Variants in VPS13A observed in about 807,000 individuals in gnomAD.
VPS13A encodes intermembrane lipid transfer protein VPS13A.
A neutral mutation model predicts 390.9 loss-of-function variants in VPS13A; 264 were observed. That is an observed-to-expected ratio of 0.68 (90% confidence interval 0.61 to 0.75). The LOEUF (loss-of-function observed/expected upper bound fraction) is 0.75. VPS13A is among the 30% of genes least tolerant of loss of function. The probability of loss-of-function intolerance (pLI) is 0.00; values close to 1 mark genes in which losing one functional copy is unlikely to be tolerated. For synonymous variants in VPS13A, 1,231 were observed against 1,227.1 expected, an observed-to-expected ratio of 1.00 and a Z score of -0.07; for missense variants, 3,409 against 3,733.9, an observed-to-expected ratio of 0.91 and a Z score of 2.27.
rs1228557760 is a variant in VPS13A at position 77,177,697 on chromosome 9, T to A, written c.-8T>A. 6.2e-7 allele frequency: 1 copy of A among 1,612,786 alleles called. No homozygotes were observed. The highest frequency in any genetic ancestry group is 1.1e-5 in the South Asian group (1 of 91,064). On this transcript the variant is annotated 5_prime_UTR_variant, in exon 1 of 72. Coordinates refer to ENST00000360280, the MANE Select transcript of VPS13A (RefSeq NM_033305.3). ...GGCCGGCTGCCGTGCCCACCACGGC[T>A]GAGGAACATGGTTTTCGAGTCGGTG...
rs1825070810 is a variant in VPS13A, at chr9:77,250,093, G to C, written c.2038-4G>C. On this transcript the variant is annotated splice_polypyrimidine_tract_variant and splice_region_variant and intron_variant, in intron 20 of 71. Transcript: ENST00000360280. ...TAGTCTAAACTATTAAAATTAACTT[G>C]AAGGTGACGAGTAAAAGTCGTTCTG... is the stretch of plus-strand genomic sequence containing the variant. 1 of 1,613,512 alleles carries C rather than the reference G, an allele frequency of 6.2e-7. No individual in the cohort carries two copies. The highest frequency in any genetic ancestry group is 1.3e-5 in the African/African-American group (1 of 75,012).
rs1024433176 is a variant in VPS13A at position 77,341,614 on chromosome 9, C to T, written c.7026+1064C>T. On this transcript the variant is annotated intron_variant, in intron 50 of 71. Transcript: ENST00000360280. ...TGTTGGACATTCATACTCTATCCTC[C>T]ATGTCTCTTAATAGCTCTTTTATAT... Among the ~76,000 whole-genome samples, 7 of 150,308 alleles carry T rather than the reference C, an allele frequency of 4.7e-5. No individual in the cohort carries two copies. The Admixed American group carries it at 4.7e-4, about 10-fold the overall frequency.
intron 68 of VPS13A, among the ~76,000 whole-genome samples, chr9:77,391,263 T>C (rs1365414450): frequency 7.2e-5 from 11 of 152,174 alleles, no homozygotes; most frequent in Admixed American, 7.2e-4. Context: ...TTCAGAAATA[T>C]TTGTGTGTGT....
At chr9:77,249,050 T>TA (rs1379100944) in intron 20 of VPS13A, among the ~76,000 whole-genome samples, 2 of 152,206 alleles carry the variant, frequency 1.3e-5, no homozygotes, top group Non-Finnish European at 2.9e-5. Context: ...ACAGCATTGA[T>TA]ATAGAACATT....
intron 26 of VPS13A, among the ~76,000 whole-genome samples, chr9:77,277,854 A>AT (rs150417932): frequency 0.02 from 3,077 of 152,218 alleles, 54 homozygotes; most frequent in South Asian, 0.043. Context: ...CGGTTTGGCA[A>AT]TTGTTAATAA....
intron 61 of VPS13A, 102 bp downstream of exon 61, chr9:77,366,974 C>A: frequency 8.0e-7 from 1 of 1,245,340 alleles, no homozygotes; most frequent in Non-Finnish European, 1.1e-6. Context: ...CGTTGCAGAT[C>A]ATAGGCAAAA....
chr9:77,356,932 A>G, intron 55 of VPS13A, 65 bp downstream of exon 55: 1 of 1,575,796 alleles, frequency 6.3e-7, no homozygotes, highest in Non-Finnish European at 8.7e-7. Context: ...GTGAATCACT[A>G]GTGAAATTTA....
intron 5 of VPS13A, among the ~76,000 whole-genome samples, chr9:77,208,942 C>G (rs1825823230): frequency 1.3e-5 from 2 of 152,286 alleles, no homozygotes; most frequent in South Asian, 4.2e-4. Context: ...GAACTTCTTT[C>G]ATCCTTGTTC....
intron 22 of VPS13A, among the ~76,000 whole-genome samples, chr9:77,256,931 T>A (rs558914166): frequency 6.6e-6 from 1 of 152,298 alleles, no homozygotes; most frequent in African/African-American, 2.4e-5. Flanking sequence ...AGTTGCATCC[T>A]GTTTTTTAAT....
At position 77,345,152 on chromosome 9, in the gene VPS13A, T is replaced by C. The variant is rs1831078672; in HGVS notation, c.7289+10T>C. ...TTCAATACAATCAAAGGTAAGATTA[T>C]CACAAATACAGTAACTCTTGATGGT... On this transcript the variant is annotated intron_variant, in intron 52 of 71. Transcript: ENST00000360280. The C allele has an allele frequency of 1.2e-6, 2 of 1,612,362 alleles. No individual in the cohort carries two copies. The highest frequency in any genetic ancestry group is 4.5e-5 in the East Asian group (2 of 44,748).
At chr9:77,379,349 T>C (rs1281883635) in intron 67 of VPS13A, among the ~76,000 whole-genome samples, 7 of 151,800 alleles carry the variant, frequency 4.6e-5, no homozygotes. Context: ...CAAGCTATTC[T>C]CCTGCCTCAG....
At chr9:77,231,505 G>T (rs1296673349) in intron 17 of VPS13A, among the ~76,000 whole-genome samples, 1 of 151,968 alleles carries the variant, frequency 6.6e-6, no homozygotes, top group African/African-American at 2.4e-5. Flanking sequence ...TTGTGGTTTT[G>T]ATTTGAATTC....
At chr9:77,217,081 A>G (rs1470271423) in intron 10 of VPS13A, among the ~76,000 whole-genome samples, 1 of 152,158 alleles carries the variant, frequency 6.6e-6, no homozygotes, top group African/African-American at 2.4e-5. Context: ...TTTCAATACA[A>G]TTGAGTTGAC....
intron 5 of VPS13A, among the ~76,000 whole-genome samples, chr9:77,207,254 A>ATATATAAAT (rs1564630578): frequency 1.9e-5 from 1 of 53,468 alleles, no homozygotes; most frequent in Non-Finnish European, 4.6e-5. Context: ...TATATATATA[A>ATATATAAAT]AACGTGTTAT....
At chr9:77,345,339 T>C (rs927177638) in intron 52 of VPS13A, among the ~76,000 whole-genome samples, 197 bp downstream of exon 52, 1 of 152,214 alleles carries the variant, frequency 6.6e-6, no homozygotes, top group African/African-American at 2.4e-5. Flanking sequence ...TTTGAAATGC[T>C]TCAAAGAAAG....
At chr9:77,409,559 T>G in intron 71 of VPS13A, among the ~76,000 whole-genome samples, 1 of 151,930 alleles carries the variant, frequency 6.6e-6, no homozygotes, top group Non-Finnish European at 1.5e-5. Flanking sequence ...GAAAAAAAAT[T>G]AGATGAATGG....
chr9:77,340,481 C>G lies in VPS13A; in HGVS notation c.6957C>G (p.Asn2319Lys). ...VTFTPFYMIKNKSKYHISVAE... is the reference protein window; with the variant it reads ...VTFTPFYMIKKKSKYHISVAE... The stretch of plus-strand genomic sequence containing the variant: ...TTACCCCTTTTTATATGATTAAAAA[C>G]AAAAGCAAATACCATATATCAGTGG... The change falls in exon 50 of 72, where the codon AAC (asparagine) becomes AAG (lysine). Residue 2319 changes from asparagine (N) to lysine (K), a missense_variant. Physicochemically the swap from Asn to Lys is moderately conservative, Grantham distance 94. Transcript: ENST00000360280. 6.2e-7 allele frequency: 1 copy of G among 1,613,164 alleles called. No homozygotes were observed. Among genetic ancestry groups the G allele is most frequent in the Non-Finnish European group, 8.5e-7 (1 of 1,179,616 alleles).
At chr9:77,385,678 G>A (rs780038666) in intron 68 of VPS13A, among the ~76,000 whole-genome samples, 8 of 151,898 alleles carry the variant, frequency 5.3e-5, no homozygotes, top group Non-Finnish European at 1.0e-4. Flanking sequence ...TATGATCTTT[G>A]GTAGTTAGAA....
chr9:77,420,622 G>A lies in VPS13A; in HGVS notation c.*4616G>A, dbSNP rs1835312601. 1 of 152,072 alleles carries A rather than the reference G, an allele frequency of 6.6e-6. No homozygotes were observed. The highest frequency in any genetic ancestry group is 2.1e-4 in the South Asian group (1 of 4,820). The allele number at this position is 152,072 out of a possible 1,614,324, so 9.4% of individuals were successfully genotyped here. On this transcript the variant is annotated 3_prime_UTR_variant, in exon 72 of 72. Transcript: ENST00000360280. ...TATATTATAGTTTAACACCTGCTAT[G>A]ATGATAGATATCACACTGCTATGAT...
Sources: allele counts gnomAD v4.1 joint callset (sites outside exome capture counted in the v4.1 genomes callset), GRCh38; gene constraint gnomAD v4.1.1; transcripts MANE v1.5; gene names NCBI Gene and HGNC (gene_info 2026-07-23, HGNC 2026-07-21).